The following SPTBN2 variants were observed in gnomAD, a reference collection of about 807,000 sequenced individuals.
The protein encoded by SPTBN2 is spectrin beta, non-erythrocytic 2.
A neutral mutation model predicts 284.2 loss-of-function variants in SPTBN2; 107 were observed. The ratio of observed to expected loss-of-function variants is 0.38; its 90% confidence interval spans 0.32 to 0.44. The LOEUF (loss-of-function observed/expected upper bound fraction) is 0.44. Ranked by LOEUF, SPTBN2 falls within the 20% of genes least tolerant of loss-of-function variation. The probability of loss-of-function intolerance (pLI) is 1.00; values close to 1 mark genes in which losing one functional copy is unlikely to be tolerated. For missense variants in SPTBN2, 2,569 were observed against 3,287.1 expected (o/e 0.78, Z 5.34); for synonymous variants, 1,289 against 1,354.8 (o/e 0.95, Z 1.07).
At chr11:66,686,255 G>A (rs751282064) in intron 37 of SPTBN2, 143 bp downstream of exon 37, 3 of 1,381,952 alleles carry the variant, frequency 2.2e-6, no homozygotes, top group Non-Finnish European at 2.1e-6. Context: ...AGGGAGTGCG[G>A]CCTGGTGCGG....
chr11:66,708,423 G>A lies in SPTBN2; in HGVS notation c.1192-124C>T, dbSNP rs114909410. 2.9e-3 allele frequency: 2,968 copies of A among 1,012,586 alleles called. 61 individuals carry two copies. The African/African-American group carries it at 0.042, about 14-fold the overall frequency. The allele number at this position is 1,012,586 out of a possible 1,614,324, so 62.7% of individuals were successfully genotyped here. On this transcript the variant is annotated intron_variant, in intron 11 of 37. Coordinates refer to ENST00000533211, the MANE Select transcript of SPTBN2 (RefSeq NM_006946.4). This position sits in a 1 kb window ranked among gnomAD's most constrained non-coding sequence, Gnocchi z 4.4. ...ATCCGTGGAATGCAGTGGGTGAGAC[G>A]CCTGGGCGTGGAAACAGGAAACAGG...
At position 66,687,109 on chromosome 11, in the gene SPTBN2, C is replaced by T; in HGVS notation, c.6781G>A (p.Ala2261Thr). The T allele has an allele frequency of 6.2e-7, 1 of 1,614,116 alleles. No homozygotes were observed. Among genetic ancestry groups the T allele is most frequent in the African/African-American group, 1.3e-5 (1 of 75,072 alleles). Residue 2261 changes from alanine to threonine, a missense_variant, in exon 36 of 38, where the codon GCC (alanine) becomes ACC (threonine). Coordinates refer to ENST00000533211, the MANE Select transcript of SPTBN2 (RefSeq NM_006946.4). The surrounding 1 kb of genome is among the most constrained non-coding windows in gnomAD (Gnocchi z 5.2). Reference protein sequence around the residue: ...RRGSLGFYKDAKAASAGVPYH... With the variant: ...RRGSLGFYKDTKAASAGVPYH... ...GGCACTCCCGCGCTGGCTGCCTTGG[C>T]ATCCTTGTAAAAGCCGAGGCTCCCA...
In SPTBN2 at chr11:66,698,721, T is replaced by C; in HGVS notation, c.3932A>G (p.Asn1311Ser). ...AQDVSYDEAR[N>S]LHTKWQKHQA... ...GTGCTTCTGCCACTTAGTATGCAGG[T>C]TGCGGGCCTCGTCATAGGACACGTC... is the stretch of plus-strand genomic sequence containing the variant. Residue 1311 changes from asparagine to serine, a missense_variant, in exon 20 of 38, where the codon AAC becomes AGC. Asn to Ser is a conservative substitution (Grantham distance 46). This residue lies in a region of SPTBN2 where 24 missense variants were observed against 58.1 expected (regional missense o/e 0.41). Coordinates refer to ENST00000533211, the MANE Select transcript of SPTBN2 (RefSeq NM_006946.4). 2 of 1,614,250 alleles carry C rather than the reference T, an allele frequency of 1.2e-6. No homozygotes were observed. The highest frequency in any genetic ancestry group is 1.7e-6 in the Non-Finnish European group (2 of 1,180,050).
chr11:66,686,872 T>A, intron 36 of SPTBN2, 122 bp downstream of exon 36: 6 of 1,316,272 alleles, frequency 4.6e-6, no homozygotes, highest in Non-Finnish European at 5.4e-6. Context: ...CCCAAGTGGC[T>A]GGCCTGGTTA....
Position 66,710,873 on chromosome 11 carries a change from C to G in SPTBN2, c.885+44G>C. The G allele has an allele frequency of 6.2e-7, 1 of 1,611,452 alleles. No individual in the cohort carries two copies. Among genetic ancestry groups the G allele is most frequent in the Non-Finnish European group, 8.5e-7 (1 of 1,177,746 alleles). ...GCACTAGGGCAGTAAGACCCCTCAG[C>G]CGGGCCTCCTCTGGCCTTTATGCCT... On this transcript the variant is annotated intron_variant, in intron 9 of 37. Transcript: ENST00000533211. This position sits in a 1 kb window ranked among gnomAD's most constrained non-coding sequence, Gnocchi z 4.9.
Position 66,687,187 on chromosome 11 carries a change from G to T in SPTBN2, c.6723-20C>A. On this transcript the variant is annotated intron_variant, in intron 35 of 37. Transcript: ENST00000533211. The surrounding 1 kb of genome is among the most constrained non-coding windows in gnomAD (Gnocchi z 5.2). ...CAGGACCTGCGAGGGACGCGGTGCT[G>T]ACTGGCCGGCCTCAGTGGCGCCCGC... 6.2e-7 allele frequency: 1 copy of T among 1,613,048 alleles called. No individual in the cohort carries two copies. The highest frequency in any genetic ancestry group is 1.1e-5 in the South Asian group (1 of 91,038).
chr11:66,720,291 G>T (rs1253240077), intron 3 of SPTBN2, among the ~76,000 whole-genome samples: 1 of 152,178 alleles, frequency 6.6e-6, no homozygotes, highest in African/African-American at 2.4e-5. Context: ...GCAGCCAGCA[G>T]GTCAATGGCA....
Position 66,708,159 on chromosome 11 carries a change from G to A in SPTBN2, c.1332C>T (p.Asn444=). Residue 444 remains asparagine (N), a synonymous_variant, in exon 12 of 38, where the codon AAC becomes AAT. Transcript: ENST00000533211. This position sits in a 1 kb window ranked among gnomAD's most constrained non-coding sequence, Gnocchi z 4.4. ...GTCCTACCTGGGACACGAGGCGCTG[G>A]TTCTCGCTGAGCCAGGTCTCCCGCA... ...AAMRETWLSE[N]QRLVSQDNFG... 6.2e-7 allele frequency: 1 copy of A among 1,613,130 alleles called. No homozygotes were observed. The highest frequency in any genetic ancestry group is 2.2e-5 in the East Asian group (1 of 44,880).
chr11:66,730,323 C>G (rs190528533), upstream of SPTBN2, among the ~76,000 whole-genome samples: 1 of 151,698 alleles, frequency 6.6e-6, no homozygotes, highest in East Asian at 2.0e-4. Context: ...GTGGCTCACC[C>G]TTGTAATCCC....
At position 66,708,756 on chromosome 11, in the gene SPTBN2, G is replaced by C; in HGVS notation, c.1191+146C>G. 1.5e-6 allele frequency: 1 copy of C among 674,154 alleles called. No homozygotes were observed. Among genetic ancestry groups the C allele is most frequent in the Non-Finnish European group, 2.6e-6 (1 of 383,150 alleles). 41.8% of individuals were successfully genotyped at this position (674,154 alleles called of 1,614,324 possible). A position where few individuals can be genotyped will look rare whatever the true frequency, so the allele number is the denominator to read the frequency against. ...AATCACATCTGGCACAGTGTGGGCA[G>C]CTGGGCAGAGTGCTCGAGTTTCAAG... is the stretch of plus-strand genomic sequence containing the variant. On this transcript the variant is annotated intron_variant, in intron 11 of 37. Transcript: ENST00000533211. The surrounding 1 kb of genome is among the most constrained non-coding windows in gnomAD (Gnocchi z 4.4).
chr11:66,742,787 T>C (rs1356923133), intron 1 of SPTBN2, among the ~76,000 whole-genome samples: 1 of 152,010 alleles, frequency 6.6e-6, no homozygotes, highest in African/African-American at 2.4e-5. Flanking sequence ...TTTTTGTATT[T>C]TTAGTAGAGG....
In SPTBN2 at chr11:66,708,866, G is replaced by A; in HGVS notation, c.1191+36C>T. The A allele has an allele frequency of 6.3e-7, 1 of 1,577,492 alleles. No homozygotes were observed. Among genetic ancestry groups the A allele is most frequent in the Non-Finnish European group, 8.7e-7 (1 of 1,147,294 alleles). ...GTGCAAGGCATCTGGGCCAGGGCCTGCCCTGAGGGTGGGTGGCCTGTGGGC... is the reference window on the plus strand; with the variant it reads ...GTGCAAGGCATCTGGGCCAGGGCCTACCCTGAGGGTGGGTGGCCTGTGGGC... On this transcript the variant is annotated intron_variant, in intron 11 of 37. Transcript: ENST00000533211. The surrounding 1 kb of genome is among the most constrained non-coding windows in gnomAD (Gnocchi z 4.4).
chr11:66,731,362 T>C (rs1233712947), upstream of SPTBN2, among the ~76,000 whole-genome samples: 1 of 152,200 alleles, frequency 6.6e-6, no homozygotes, highest in Non-Finnish European at 1.5e-5. Context: ...TTATTTGAGT[T>C]GCAAAAGCGA....
chr11:66,704,797 C>A lies in SPTBN2; in HGVS notation c.2479G>T (p.Val827Leu). ...TCGTAGTGCCGCTCCAGGGTGGGCA[C>A]CCGGCTCTGCACCTCGGGCGTGCGG... ...LSRTPEVQSR[V>L]PTLERHYEEL... Residue 827 changes from valine (V) to leucine (L), a missense_variant, in exon 15 of 38, where the codon GTG becomes TTG. Val to Leu is a conservative substitution (Grantham distance 32). Coordinates refer to ENST00000533211, the MANE Select transcript of SPTBN2 (RefSeq NM_006946.4). The A allele has an allele frequency of 6.2e-7, 1 of 1,604,494 alleles. No homozygotes were observed. The highest frequency in any genetic ancestry group is 8.5e-7 in the Non-Finnish European group (1 of 1,177,626).
chr11:66,711,344 T>C (rs1941856612), intron 8 of SPTBN2, among the ~76,000 whole-genome samples: 2 of 152,132 alleles, frequency 1.3e-5, no homozygotes, highest in South Asian at 2.1e-4. Flanking sequence ...AGAAACAGCA[T>C]TGCTATGTGG....
upstream of SPTBN2, among the ~76,000 whole-genome samples, chr11:66,732,827 G>A (rs559759206): frequency 7.3e-5 from 11 of 151,554 alleles, no homozygotes; most frequent in African/African-American, 1.5e-4. Flanking sequence ...TTAGCCGGGC[G>A]TGGTGGCAAG....
At position 66,691,361 on chromosome 11, in the gene SPTBN2, G is replaced by A. The variant is rs1032630878; in HGVS notation, c.5488C>T (p.Arg1830Cys). 4.4e-6 allele frequency: 7 copies of A among 1,586,088 alleles called. No homozygotes were observed. The highest frequency in any genetic ancestry group is 1.1e-5 in the South Asian group (1 of 87,208). Residue 1830 changes from arginine to cysteine, a missense_variant, in exon 27 of 38, where the codon CGC becomes TGC. Physicochemically the swap from Arg to Cys is radical, Grantham distance 180 (BLOSUM62 -3). Around this residue, in one of 6 missense-constraint regions of SPTBN2, gnomAD observed 1,130 missense variants for 1,317.3 expected, o/e 0.86. Coordinates refer to ENST00000533211, the MANE Select transcript of SPTBN2 (RefSeq NM_006946.4). The surrounding 1 kb of genome is among the most constrained non-coding windows in gnomAD (Gnocchi z 8.0). ...AGGGCCTCGGCAGCGTTGAGGTCGC[G>A]GCCAGTCCCGTCCGGAAGCTGCTGC... ...KQQQLPDGTG[R>C]DLNAAEALQR...
In SPTBN2 at chr11:66,714,123, T is replaced by C; in HGVS notation, c.624A>G (p.Gly208=). 4 of 1,614,246 alleles carry C rather than the reference T, an allele frequency of 2.5e-6. No individual in the cohort carries two copies. Among genetic ancestry groups the C allele is most frequent in the Non-Finnish European group, 3.4e-6 (4 of 1,180,042 alleles). The part of the protein sequence containing the change: ...VHNFTTSWRD[G]LAFNAIVHKH... ...TATGCACGATGGCGTTGAAAGCTAG[T>C]CCATCTCTCCAGCTGGTGGTGAAGT... Residue 208 remains glycine (G), a synonymous_variant, in exon 7 of 38, where the codon GGA becomes GGG. Coordinates refer to ENST00000533211, the MANE Select transcript of SPTBN2 (RefSeq NM_006946.4).
intron 1 of SPTBN2, among the ~76,000 whole-genome samples, chr11:66,723,364 G>T (rs770905393): frequency 6.6e-5 from 10 of 152,122 alleles, no homozygotes; most frequent in Non-Finnish European, 1.2e-4. Context: ...AGTCTCGGTA[G>T]TCTCGGGTTC....
Sources: gnomAD v4.1 joint callset for allele counts (sites outside exome capture counted in the v4.1 genomes callset) on GRCh38, gnomAD v4.1.1 for gene constraint, gnomAD v4.1.1 regional missense constraint, Gnocchi (gnomAD v3.1) non-coding constraint, MANE v1.5 for transcripts, NCBI Gene and HGNC (gene_info 2026-07-23, HGNC 2026-07-21) for gene names.